LPXN: variants seen among roughly 807,000 people sequenced by gnomAD.
LPXN encodes the protein leupaxin.
Under a neutral mutation model 45.6 loss-of-function variants are expected in LPXN, and 28 were observed. The ratio of observed to expected loss-of-function variants is 0.61; its 90% CI spans 0.45 to 0.84. LPXN has a LOEUF of 0.84. LPXN is among the 40% of genes least tolerant of loss of function. The probability of loss-of-function intolerance (pLI) is 0.00; values close to 1 mark genes in which losing one functional copy is unlikely to be tolerated. For missense variants in LPXN, 459 were observed against 475.0 expected, an observed-to-expected ratio of 0.97 and a Z score of 0.31; for synonymous variants, 166 against 169.9, an observed-to-expected ratio of 0.98 and a Z score of 0.18.
At chr11:58,538,875 C>T (rs1398706045) in intron 7 of LPXN, among the ~76,000 whole-genome samples, 1 of 151,648 alleles carries the variant, frequency 6.6e-6, no homozygotes, top group African/African-American at 2.4e-5. Flanking sequence ...TATATTAATG[C>T]CTTTGGAAAG....
chr11:58,542,019 G>A (rs893222015), intron 7 of LPXN, among the ~76,000 whole-genome samples: 8 of 150,818 alleles, frequency 5.3e-5, no homozygotes, highest in Non-Finnish European at 7.4e-5. Flanking sequence ...GAAGGGGAAC[G>A]TCACACTCTG....
chr11:58,532,046 C>A (rs994719035), intron 7 of LPXN, among the ~76,000 whole-genome samples: 22 of 152,240 alleles, frequency 1.4e-4, no homozygotes, highest in Non-Finnish European at 2.6e-4. Context: ...CTCAGAGTGG[C>A]CGGCCAGCAC....
chr11:58,569,288 A>G lies in LPXN; in HGVS notation c.171+1268T>C, dbSNP rs533229252. Among the ~76,000 whole-genome samples the G allele has an allele frequency of 1.4e-3, 216 of 152,348 alleles. 2 individuals are homozygous for G. Among genetic ancestry groups the G allele is most frequent in the Non-Finnish European group, 4.4e-4 (30 of 68,034 alleles). On this transcript the variant is annotated intron_variant, in intron 2 of 8. Transcript: ENST00000395074. ...AACCTTTTAATTATAATGTACGTCCATATAGACTTATCCATAGGAAGAGAA... is the reference window on the plus strand; with the variant it reads ...AACCTTTTAATTATAATGTACGTCCGTATAGACTTATCCATAGGAAGAGAA...
In LPXN at chr11:58,527,959, C is replaced by A. The variant is rs543589726; in HGVS notation, c.891+84G>T. On this transcript the variant is annotated intron_variant, in intron 8 of 8. Coordinates refer to ENST00000395074, the MANE Select transcript of LPXN (RefSeq NM_004811.3). ...TCCATTCCTCATTCAGGACTGTGAA[C>A]CCTTTCACTAACTGCAGCTCTTCCT... is the stretch of plus-strand genomic sequence containing the variant. The A allele has an allele frequency of 5.5e-6, 8 of 1,465,244 alleles. No homozygotes were observed. The Admixed American group carries it at 1.6e-4, about 28-fold the overall frequency. 90.8% of individuals were successfully genotyped at this position (1,465,244 alleles called of 1,614,324 possible).
rs1328634423 is a variant in LPXN at position 58,551,196 on chromosome 11, G to A, written c.355C>T (p.Pro119Ser). ...GAGGCCTTGTGATCCTGCTTGTCTGGTAAGTGCTTCTTGCCAGCATCTGCT... is the reference window on the plus strand; with the variant it reads ...GAGGCCTTGTGATCCTGCTTGTCTGATAAGTGCTTCTTGCCAGCATCTGCT... ...VRADAGKKHL[P>S]DKQDHKASLD... The change falls in exon 5 of 9, where the codon CCA becomes TCA. Residue 119 changes from proline to serine, a missense_variant. By Grantham distance (74) the Pro-to-Ser change is moderately conservative. Coordinates refer to ENST00000395074, the MANE Select transcript of LPXN (RefSeq NM_004811.3). 6.2e-7 allele frequency: 1 copy of A among 1,611,048 alleles called. No individual in the cohort carries two copies. Among genetic ancestry groups the A allele is most frequent in the South Asian group, 1.1e-5 (1 of 90,684 alleles).
intron 1 of LPXN, among the ~76,000 whole-genome samples, chr11:58,572,554 G>A (rs774047189): frequency 6.6e-6 from 1 of 151,984 alleles, no homozygotes; most frequent in Admixed American, 6.6e-5. Flanking sequence ...ACACTGACTG[G>A]ATATTAAATA....
chr11:58,544,727 C>T (rs1442168488), intron 7 of LPXN, among the ~76,000 whole-genome samples: 1 of 152,098 alleles, frequency 6.6e-6, no homozygotes, highest in Non-Finnish European at 1.5e-5. Flanking sequence ...GAAATACTGA[C>T]AATTAAAAGT....
intron 3 of LPXN, among the ~76,000 whole-genome samples, chr11:58,555,728 A>G (rs1166730840): frequency 1.4e-5 from 2 of 146,226 alleles, no homozygotes; most frequent in Admixed American, 7.2e-5. Flanking sequence ...CCAGTTAGAA[A>G]TAGCAATGAA....
upstream of LPXN, chr11:58,578,250 C>T: frequency 1.8e-6 from 1 of 571,202 alleles, no homozygotes; most frequent in Non-Finnish European, 3.0e-6. Context: ...AACCCGGAAA[C>T]ACTGCCTCCC....
intron 1 of LPXN, among the ~76,000 whole-genome samples, chr11:58,571,528 A>G (rs2134356458): frequency 6.6e-6 from 1 of 152,108 alleles, no homozygotes; most frequent in Non-Finnish European, 1.5e-5. Flanking sequence ...CAAAATTTTC[A>G]AAGCAAGGTA....
intron 7 of LPXN, among the ~76,000 whole-genome samples, chr11:58,541,517 A>G (rs1411194710): frequency 2.6e-5 from 4 of 151,010 alleles, no homozygotes; most frequent in Non-Finnish European, 5.9e-5. Flanking sequence ...TTAGAATGGC[A>G]ATCATTAAAA....
chr11:58,554,679 G>C, intron 4 of LPXN, 162 bp downstream of exon 4: 1 of 533,450 alleles, frequency 1.9e-6, no homozygotes, highest in Non-Finnish European at 3.3e-6. Context: ...TTAATTCATG[G>C]AATTAAATTT....
chr11:58,540,227 T>C (rs775209437), intron 7 of LPXN, among the ~76,000 whole-genome samples: 3 of 152,230 alleles, frequency 2.0e-5, no homozygotes, highest in Non-Finnish European at 2.9e-5. Flanking sequence ...GGATATTTTA[T>C]GGGATATAGG....
chr11:58,561,511 T>C (rs1854376163), intron 3 of LPXN, among the ~76,000 whole-genome samples: 1 of 152,168 alleles, frequency 6.6e-6, no homozygotes, highest in East Asian at 1.9e-4. Context: ...TTCAATCCAT[T>C]GTGGATGTTT....
intron 3 of LPXN, among the ~76,000 whole-genome samples, chr11:58,555,704 A>G (rs1854179740): frequency 6.6e-6 from 1 of 152,016 alleles, no homozygotes; most frequent in Non-Finnish European, 1.5e-5. Context: ...AAAAAATTAA[A>G]CTGAATTTTC....
At chr11:58,577,869 A>T, upstream of LPXN, 1 of 919,704 alleles carries the variant, frequency 1.1e-6, no homozygotes, top group Non-Finnish European at 1.6e-6. Context: ...AAGGTCTAGT[A>T]GAAAAGCAAC....
At chr11:58,576,319 G>A (rs866720936), upstream of LPXN, among the ~76,000 whole-genome samples, 1 of 152,158 alleles carries the variant, frequency 6.6e-6, no homozygotes, top group African/African-American at 2.4e-5. Flanking sequence ...TGCATGGAAC[G>A]TAAATCCTTA....
chr11:58,534,758 AATAG>A lies in LPXN; in HGVS notation c.743-6571_743-6568del, dbSNP rs568605591. ...GGTGGTTTTTTGAAATGATCAACAA[AATAG>A]ATAGACTACTAGCCACACTAATAAA... On this transcript the variant is annotated intron_variant, in intron 7 of 8. Coordinates refer to ENST00000395074, the MANE Select transcript of LPXN (RefSeq NM_004811.3). 4.0e-3 allele frequency among the ~76,000 whole-genome samples: 605 copies of A among 152,304 alleles called. 3 individuals are homozygous for A. The highest frequency in any genetic ancestry group is 7.2e-3 in the Non-Finnish European group (488 of 68,030).
chr11:58,537,182 A>C (rs1853578868), intron 7 of LPXN, among the ~76,000 whole-genome samples: 1 of 152,234 alleles, frequency 6.6e-6, no homozygotes, highest in Non-Finnish European at 1.5e-5. Flanking sequence ...AAGCATTATA[A>C]ATCATTCTAC....
Sources: gnomAD v4.1 joint callset for allele counts (sites outside exome capture counted in the v4.1 genomes callset) on GRCh38, gnomAD v4.1.1 for gene constraint, MANE v1.5 for transcripts, NCBI Gene and HGNC (gene_info 2026-07-23, HGNC 2026-07-21) for gene names.